The following NIPSNAP3B variants were observed in gnomAD, a reference collection of about 807,000 sequenced individuals.
NIPSNAP3B encodes the protein nipsnap homolog 3B, also known as protein NipSnap homolog 3B.
In NIPSNAP3B, 30 loss-of-function variants were observed where a neutral mutation model predicts 31.5. That is an observed-to-expected ratio of 0.95 (90% CI 0.71 to 1.29). The LOEUF is 1.29. Ranked by LOEUF, NIPSNAP3B falls within the 50% of genes most tolerant of loss-of-function variation. The probability of loss-of-function intolerance (pLI) is 0.00; values close to 1 mark genes in which losing one functional copy is unlikely to be tolerated. For missense variants in NIPSNAP3B, 269 were observed against 300.7 expected (o/e 0.89, Z 0.78); for synonymous variants, 106 against 107.9 (o/e 0.98, Z 0.11).
Position 104,768,846 on chromosome 9 carries a change from C to G in NIPSNAP3B, c.272-17C>G. The G allele has an allele frequency of 6.3e-7, 1 of 1,578,782 alleles. No homozygotes were observed. Among genetic ancestry groups the G allele is most frequent in the Non-Finnish European group, 8.6e-7 (1 of 1,166,056 alleles). On this transcript the variant is annotated splice_polypyrimidine_tract_variant and intron_variant, in intron 2 of 5. Coordinates refer to ENST00000374762, the MANE Select transcript of NIPSNAP3B (RefSeq NM_018376.4). ...TTTAAATAAAAAAACATTTTCTTAA[C>G]TATTTTCCTCCCATAGATAATTTTG...
the NIPSNAP3B span, chr9:104,784,532 A>G: frequency 1.3e-6 from 2 of 1,580,654 alleles, no homozygotes; most frequent in South Asian, 1.1e-5. Context: ...ATTTTTCCAG[A>G]TGTTGAAATT....
intron 3 of NIPSNAP3B, among the ~76,000 whole-genome samples, chr9:104,770,050 T>TA: frequency 6.6e-6 from 1 of 152,310 alleles, no homozygotes; most frequent in East Asian, 1.9e-4. Context: ...ATTTGAAAAG[T>TA]CTTGTTTGGA....
intron 4 of NIPSNAP3B, among the ~76,000 whole-genome samples, chr9:104,772,255 T>C (rs993790217): frequency 1.3e-5 from 2 of 151,532 alleles, no homozygotes; most frequent in Admixed American, 1.3e-4. Context: ...TTAGATACCA[T>C]TTGTCAATTT....
downstream of NIPSNAP3B, chr9:104,782,543 T>G (rs1054073880): frequency 5.3e-5 from 8 of 152,158 alleles, no homozygotes; most frequent in African/African-American, 1.9e-4. Flanking sequence ...GAAACAGTAT[T>G]TTTACAAATG....
chr9:104,784,447 C>A, the NIPSNAP3B span: 1 of 1,614,028 alleles, frequency 6.2e-7, no homozygotes, highest in South Asian at 1.1e-5. Flanking sequence ...TGGCAAAGTT[C>A]ACAAATACCT....
In NIPSNAP3B at chr9:104,770,881, C is replaced by G. The variant is rs1828199810; in HGVS notation, c.463C>G (p.Pro155Ala). 1.9e-6 allele frequency: 3 copies of G among 1,613,576 alleles called. No homozygotes were observed. The highest frequency in any genetic ancestry group is 3.3e-5 in the Admixed American group (2 of 59,976). Residue 155 changes from proline to alanine, a missense_variant, in exon 4 of 6, where the codon CCT (proline) becomes GCT (alanine). Transcript: ENST00000374762. Reference sequence around the variant, plus strand: ...TGAACTAGCTGTTTTTCAGATGAAACCTGGTGGGCCAGCTCTGTGGGGTGA... The same window carrying G: ...TGAACTAGCTGTTTTTCAGATGAAAGCTGGTGGGCCAGCTCTGTGGGGTGA... ...VYELAVFQMK[P>A]GGPALWGDAF...
chr9:104,766,409 A>G lies in NIPSNAP3B; in HGVS notation c.145A>G (p.Met49Val), dbSNP rs1047320868. ...FRTYYLKPSNMNAFMENLKKN... is the reference protein window; with the variant it reads ...FRTYYLKPSNVNAFMENLKKN... ...TACTTATTACCTTAAACCTTCAAAT[A>G]TGAATGCGTTCATGGAAAATCTTAA... Residue 49 changes from methionine (M) to valine (V), a missense_variant, in exon 2 of 6, where the codon ATG becomes GTG. Physicochemically the swap from Met to Val is conservative, Grantham distance 21. Coordinates refer to ENST00000374762, the MANE Select transcript of NIPSNAP3B (RefSeq NM_018376.4). The G allele has an allele frequency of 1.2e-6, 2 of 1,613,814 alleles. No homozygotes were observed. The highest frequency in any genetic ancestry group is 1.7e-5 in the Admixed American group (1 of 60,030).
At chr9:104,785,217 T>C in the NIPSNAP3B span, among the ~76,000 whole-genome samples, 58 of 152,294 alleles carry the variant, frequency 3.8e-4, no homozygotes, top group African/African-American at 1.4e-3. Flanking sequence ...ATAGAGTACA[T>C]AGGCATCATC....
At position 104,771,876 on chromosome 9, in the gene NIPSNAP3B, C is replaced by T. The variant is rs1828229778; in HGVS notation, c.580+878C>T. On this transcript the variant is annotated intron_variant, in intron 4 of 5. Transcript: ENST00000374762. ...TGTAAGTGTTCCCTTTTTTTCACAA[C>T]CTCACCAGCATCTGTTATTTTTTGA... Among the ~76,000 whole-genome samples, 3 of 152,124 alleles carry T rather than the reference C, an allele frequency of 2.0e-5. No individual in the cohort carries two copies. In the South Asian group the frequency reaches 6.2e-4, roughly 32 times the overall value.
the NIPSNAP3B span, chr9:104,785,290 C>G: frequency 1.4e-6 from 2 of 1,455,046 alleles, no homozygotes; most frequent in Non-Finnish European, 1.9e-6. Flanking sequence ...ATCAGGAATT[C>G]AAGCACCAAT....
the NIPSNAP3B span, chr9:104,790,851 A>T: frequency 9.2e-7 from 1 of 1,090,218 alleles, no homozygotes. Flanking sequence ...AATCAAAAAT[A>T]ACAACCTATT....
chr9:104,769,261 C>T (rs1399827019), intron 3 of NIPSNAP3B, among the ~76,000 whole-genome samples: 2 of 151,970 alleles, frequency 1.3e-5, no homozygotes, highest in Non-Finnish European at 2.9e-5. Flanking sequence ...CAAGATCCGC[C>T]TGGTCAACGT....
chr9:104,766,648 C>A, intron 2 of NIPSNAP3B, 113 bp downstream of exon 2: 1 of 1,066,956 alleles, frequency 9.4e-7, no homozygotes, highest in South Asian at 1.5e-5. Flanking sequence ...TTAAGTAAGA[C>A]TTTTTAAAAG....
At chr9:104,778,188 A>C (rs1828377582), downstream of NIPSNAP3B, among the ~76,000 whole-genome samples, 1 of 152,034 alleles carries the variant, frequency 6.6e-6, no homozygotes, top group African/African-American at 2.4e-5. Context: ...TCTCTAGGTA[A>C]TCTCATTCAG....
In NIPSNAP3B at chr9:104,770,924, T is replaced by C; in HGVS notation, c.506T>C (p.Ile169Thr). Residue 169 changes from isoleucine (I) to threonine (T), a missense_variant, in exon 4 of 6, where the codon ATT (isoleucine) becomes ACT (threonine). Ile to Thr is a moderately conservative substitution (Grantham distance 89). Transcript: ENST00000374762. ...TGGGGTGATGCATTTGAAAGAGCAA[T>C]TAATGCCCATGTCAATTTAGGCTAC... ...ALWGDAFERA[I>T]NAHVNLGYTK... The C allele has an allele frequency of 6.2e-7, 1 of 1,613,956 alleles. No individual in the cohort carries two copies. The highest frequency in any genetic ancestry group is 8.5e-7 in the Non-Finnish European group (1 of 1,179,844).
At chr9:104,778,132 A>G (rs1414108765), downstream of NIPSNAP3B, among the ~76,000 whole-genome samples, 1 of 152,138 alleles carries the variant, frequency 6.6e-6, no homozygotes, top group Non-Finnish European at 1.5e-5. Context: ...CTTCTCTTCT[A>G]AATGTTATAG....
chr9:104,766,935 T>A (rs1358633021), intron 2 of NIPSNAP3B, among the ~76,000 whole-genome samples: 1 of 152,148 alleles, frequency 6.6e-6, no homozygotes, highest in Non-Finnish European at 1.5e-5. Flanking sequence ...TAAAAATGTT[T>A]TAAATGTGTA....
chr9:104,776,949 A>T lies in NIPSNAP3B; in HGVS notation c.*3876A>T, dbSNP rs565536220. ...TTGAGCCACTGTTAACAGATTACAT[A>T]ACTGTTATTGGAAGTGCCTCACTAC... On this transcript the variant is annotated 3_prime_UTR_variant, in exon 6 of 6. Coordinates refer to ENST00000374762, the MANE Select transcript of NIPSNAP3B (RefSeq NM_018376.4). Among the ~76,000 whole-genome samples, 3 of 152,338 alleles carry T rather than the reference A, an allele frequency of 2.0e-5. No individual in the cohort carries two copies. In the South Asian group the frequency reaches 6.2e-4, roughly 32 times the overall value.
chr9:104,787,882 G>A, the NIPSNAP3B span: 1 of 1,613,828 alleles, frequency 6.2e-7, no homozygotes, highest in African/African-American at 1.3e-5. Flanking sequence ...TTTCCACTCA[G>A]GCCAGAACAA....
Sources: allele counts gnomAD v4.1 joint callset (sites outside exome capture counted in the v4.1 genomes callset), GRCh38; gene constraint gnomAD v4.1.1; transcripts MANE v1.5; gene names NCBI Gene and HGNC (gene_info 2026-07-23, HGNC 2026-07-21).